Variants in SLC22A23 observed in about 807,000 individuals in gnomAD.
SLC22A23 encodes solute carrier family 22 member 23.
Under a neutral mutation model 61.0 loss-of-function variants are expected in SLC22A23, and 26 were observed. That is an observed-to-expected ratio of 0.43 (90% CI 0.31 to 0.59). SLC22A23 has a LOEUF of 0.59. Among genes scored for constraint, SLC22A23 ranks in the 20% least tolerant of loss-of-function variants. SLC22A23 has a pLI of 0.11. For missense variants in SLC22A23, 796 were observed against 934.7 expected (o/e 0.85, Z 1.94); for synonymous variants, 430 against 413.9 (o/e 1.04, Z -0.47).
chr6:3,352,603 T>C (rs9378362), intron 3 of SLC22A23, among the ~76,000 whole-genome samples: 59,731 of 152,030 alleles, frequency 0.39, 13,357 homozygotes, highest in African/African-American at 0.61. Context: ...TTCTTGTTTT[T>C]CCATCTGAAA....
intron 3 of SLC22A23, among the ~76,000 whole-genome samples, chr6:3,381,221 A>G (rs115186352): frequency 0.013 from 2,031 of 152,132 alleles, 48 homozygotes; most frequent in African/African-American, 0.041. Flanking sequence ...TGGGGACACC[A>G]CATCTCCCCA....
chr6:3,307,468 C>T (rs896329506), intron 4 of SLC22A23, among the ~76,000 whole-genome samples: 1 of 152,248 alleles, frequency 6.6e-6, no homozygotes, highest in Admixed American at 6.5e-5. Context: ...GGCCTGAACT[C>T]AATGCAGGCA....
At chr6:3,444,806 C>T (rs1001798244) in intron 1 of SLC22A23, 1 of 985,670 alleles carries the variant, frequency 1.0e-6, no homozygotes, top group Non-Finnish European at 1.2e-6. Flanking sequence ...GGCTTCCTGT[C>T]TGAAGGGCAT....
intron 4 of SLC22A23, among the ~76,000 whole-genome samples, chr6:3,316,944 A>G (rs889892897): frequency 6.6e-6 from 1 of 152,090 alleles, no homozygotes; most frequent in African/African-American, 2.4e-5. Flanking sequence ...GATCATGTGT[A>G]CTCAGTACCC....
chr6:3,319,833 C>T (rs1485395123), intron 4 of SLC22A23, among the ~76,000 whole-genome samples: 1 of 152,224 alleles, frequency 6.6e-6, no homozygotes, highest in Non-Finnish European at 1.5e-5. Flanking sequence ...CCCTGGTTCT[C>T]ACATTGATAT....
chr6:3,443,573 G>A (rs1323977398), intron 1 of SLC22A23, among the ~76,000 whole-genome samples: 1 of 152,154 alleles, frequency 6.6e-6, no homozygotes, highest in Non-Finnish European at 1.5e-5. Flanking sequence ...GCATTTAGTG[G>A]TTAAATCATC....
At chr6:3,447,428 A>T (rs1771948230) in intron 1 of SLC22A23, among the ~76,000 whole-genome samples, 1 of 152,152 alleles carries the variant, frequency 6.6e-6, no homozygotes, top group Non-Finnish European at 1.5e-5. Context: ...TTATTACTTG[A>T]TCAGTTTGGG....
chr6:3,335,578 G>A (rs571942246), intron 3 of SLC22A23, among the ~76,000 whole-genome samples: 2 of 152,266 alleles, frequency 1.3e-5, no homozygotes, highest in East Asian at 1.9e-4. Context: ...TACCCCACAG[G>A]TGACTCGACA....
chr6:3,378,951 G>A lies in SLC22A23; in HGVS notation c.913+31237C>T, dbSNP rs531640911. Among the ~76,000 whole-genome samples, 13 of 152,238 alleles carry A rather than the reference G, an allele frequency of 8.5e-5. No individual in the cohort carries two copies. The East Asian group carries it at 1.7e-3, about 20-fold the overall frequency. The stretch of plus-strand genomic sequence containing the variant: ...TGGGATTACAGGCTTGAGCCACCGC[G>A]CCTGGCCTCAGTGTCAGGTTTTAAC... On this transcript the variant is annotated intron_variant, in intron 3 of 9. Transcript: ENST00000406686.
intron 1 of SLC22A23, among the ~76,000 whole-genome samples, chr6:3,425,343 G>T (rs190047941): frequency 5.0e-4 from 72 of 143,022 alleles, no homozygotes; most frequent in Middle Eastern, 3.8e-3. Context: ...GGAGTGCAGT[G>T]GTGCAATCTC....
rs144908130 is a variant in SLC22A23, at chr6:3,349,673, T to C, written c.914-25671A>G. Among the ~76,000 whole-genome samples, 69 of 152,318 alleles carry C rather than the reference T, an allele frequency of 4.5e-4. 1 individual carries two copies. In the East Asian group the frequency reaches 0.01, roughly 23 times the overall value. ...TTTCTGTTTGGTGAAGAATATTGAA[T>C]ACTCAACCACCCAAGTGCTTTAAAT... On this transcript the variant is annotated intron_variant, in intron 3 of 9. Coordinates refer to ENST00000406686, the MANE Select transcript of SLC22A23 (RefSeq NM_015482.2).
intron 3 of SLC22A23, among the ~76,000 whole-genome samples, chr6:3,365,824 AGC>A: frequency 6.6e-6 from 1 of 152,238 alleles, no homozygotes; most frequent in East Asian, 1.9e-4. Context: ...TACTGGAAAC[AGC>A]AGCAGCAGAA....
At chr6:3,337,660 G>C (rs552145565) in intron 3 of SLC22A23, among the ~76,000 whole-genome samples, 1 of 152,078 alleles carries the variant, frequency 6.6e-6, no homozygotes, top group Non-Finnish European at 1.5e-5. Context: ...TGTACCATGT[G>C]CTCGGGCCCC....
In SLC22A23 at chr6:3,275,265, T is replaced by C. The variant is rs377248038; in HGVS notation, c.1704-1853A>G. Among the ~76,000 whole-genome samples the C allele has an allele frequency of 1.1e-3, 164 of 152,326 alleles. 1 individual carries two copies. The highest frequency in any genetic ancestry group is 3.8e-3 in the African/African-American group (160 of 41,574). On this transcript the variant is annotated intron_variant, in intron 9 of 9. Coordinates refer to ENST00000406686, the MANE Select transcript of SLC22A23 (RefSeq NM_015482.2). ...GTGCTGGGACAACAGGATATTCATG[T>C]GCAAAAGAATGATGTTGGACCCTTC...
At chr6:3,357,034 G>C (rs1157682979) in intron 3 of SLC22A23, among the ~76,000 whole-genome samples, 1 of 104,776 alleles carries the variant, frequency 9.5e-6, no homozygotes, top group Non-Finnish European at 1.8e-5. Flanking sequence ...ATACAGCCTG[G>C]AAGAGAAAAC....
Position 3,270,712 on chromosome 6 carries a change from T to A in SLC22A23, c.*2343A>T, listed in dbSNP as rs952464393. Reference sequence around the variant, plus strand: ...GCTGAAGTGCTGAGCAGTGTCTTCGTTGGACCAGTTTTTTATTGTCATTTG... The same window carrying A: ...GCTGAAGTGCTGAGCAGTGTCTTCGATGGACCAGTTTTTTATTGTCATTTG... On this transcript the variant is annotated 3_prime_UTR_variant, in exon 10 of 10. Coordinates refer to ENST00000406686, the MANE Select transcript of SLC22A23 (RefSeq NM_015482.2). 6.6e-6 allele frequency: 1 copy of A among 152,348 alleles called. No individual in the cohort carries two copies. 9.4% of individuals were successfully genotyped at this position (152,348 alleles called of 1,614,324 possible). A position where few individuals can be genotyped will look rare whatever the true frequency, so the allele number is the denominator to read the frequency against.
intron 3 of SLC22A23, among the ~76,000 whole-genome samples, chr6:3,400,091 T>C (rs1581819429): frequency 6.6e-6 from 1 of 152,210 alleles, no homozygotes; most frequent in African/African-American, 2.4e-5. Flanking sequence ...TTGGTCAGGC[T>C]GGTCTCGAAC....
In SLC22A23 at chr6:3,410,324, C is replaced by T; in HGVS notation, c.777G>A (p.Val259=). The part of the protein sequence containing the change: ...CIADWVGRRP[V]LLFSIIFILI... ...GAATGAAGATGATGGAAAACAGCAGCACAGGCCGCCGGCCGACCCTGCATA... is the reference window on the plus strand; with the variant it reads ...GAATGAAGATGATGGAAAACAGCAGTACAGGCCGCCGGCCGACCCTGCATA... Residue 259 remains valine, a synonymous_variant, in exon 3 of 10, where the codon GTG becomes GTA. Coordinates refer to ENST00000406686, the MANE Select transcript of SLC22A23 (RefSeq NM_015482.2). This position sits in a 1 kb window ranked among gnomAD's most constrained non-coding sequence, Gnocchi z 5.0. 6.2e-7 allele frequency: 1 copy of T among 1,610,640 alleles called. No individual in the cohort carries two copies. Among genetic ancestry groups the T allele is most frequent in the Non-Finnish European group, 8.5e-7 (1 of 1,178,700 alleles).
At chr6:3,407,898 G>A (rs1005829876) in intron 3 of SLC22A23, among the ~76,000 whole-genome samples, 3 of 152,212 alleles carry the variant, frequency 2.0e-5, no homozygotes, top group African/African-American at 4.8e-5. Flanking sequence ...ATTAAAGTAG[G>A]GAAGTTAAGA....
Sources: allele counts gnomAD v4.1 joint callset (sites outside exome capture counted in the v4.1 genomes callset), GRCh38; gene constraint gnomAD v4.1.1; non-coding constraint Gnocchi (gnomAD v3.1); transcripts MANE v1.5; gene names NCBI Gene and HGNC (gene_info 2026-07-23, HGNC 2026-07-21).